Variants in GRID2 observed in about 807,000 individuals in gnomAD.
The protein encoded by GRID2 is glutamate ionotropic receptor delta type subunit 2.
Under a neutral mutation model 114.8 loss-of-function variants are expected in GRID2, and 33 were observed. The ratio of observed to expected loss-of-function variants is 0.29; its 90% confidence interval spans 0.22 to 0.38. The LOEUF is 0.38. Among genes scored for constraint, GRID2 ranks in the 10% least tolerant of loss-of-function variants. The pLI is 1.00. For missense variants in GRID2, 1,184 were observed against 1,257.7 expected (o/e 0.94, Z 0.89); for synonymous variants, 505 against 449.9 (o/e 1.12, Z -1.55).
intron 4 of GRID2, among the ~76,000 whole-genome samples, chr4:93,123,176 T>A (rs1033972951): frequency 9.2e-5 from 14 of 152,132 alleles, no homozygotes; most frequent in African/African-American, 3.4e-4. Context: ...GACAGTTTGC[T>A]ACTAACTTCT....
chr4:92,571,006 G>A (rs1284404513), intron 1 of GRID2, among the ~76,000 whole-genome samples: 1 of 152,008 alleles, frequency 6.6e-6, no homozygotes, highest in Non-Finnish European at 1.5e-5. Context: ...TTTGACAGTG[G>A]ACAAGCTTGT....
chr4:92,381,629 A>G (rs1413421791), intron 1 of GRID2, among the ~76,000 whole-genome samples: 1 of 152,078 alleles, frequency 6.6e-6, no homozygotes, highest in East Asian at 1.9e-4. Context: ...ACCACAATGT[A>G]AAAGTTTCTC....
chr4:92,636,221 C>T (rs935409491), intron 2 of GRID2, among the ~76,000 whole-genome samples: 9 of 151,970 alleles, frequency 5.9e-5, no homozygotes, highest in Non-Finnish European at 1.2e-4. Context: ...TGCCATCACA[C>T]AGTGGCAGGA....
rs201950087 is a variant in GRID2, at chr4:92,938,567, C to CT, written c.245-146419dup. ...AGTGGGAGGATTAATGTCAATATTT[C>CT]TTTTTTTTTATTATACTTTAAGTTT... On this transcript the variant is annotated intron_variant, in intron 2 of 15. Coordinates refer to ENST00000282020, the MANE Select transcript of GRID2 (RefSeq NM_001510.4). Among the ~76,000 whole-genome samples, 50 of 143,636 alleles carry CT rather than the reference C, an allele frequency of 3.5e-4. 3 individuals carry two copies. Among genetic ancestry groups the CT allele is most frequent in the Non-Finnish European group, 5.6e-4 (36 of 64,760 alleles). 94.2% of individuals were successfully genotyped at this position (143,636 alleles called of 152,430 possible).
At chr4:93,691,247 G>C (rs1182528848) in intron 14 of GRID2, among the ~76,000 whole-genome samples, 1 of 151,788 alleles carries the variant, frequency 6.6e-6, no homozygotes, top group Non-Finnish European at 1.5e-5. Flanking sequence ...AGATTGATTA[G>C]AACAAATTTT....
At position 92,826,889 on chromosome 4, in the gene GRID2, T is replaced by C. The variant is rs1186985087; in HGVS notation, c.244+236603T>C. Among the ~76,000 whole-genome samples the C allele has an allele frequency of 3.9e-5, 6 of 152,100 alleles. No individual in the cohort carries two copies. In the South Asian group the frequency reaches 1.2e-3, roughly 31 times the overall value. On this transcript the variant is annotated intron_variant, in intron 2 of 15. Coordinates refer to ENST00000282020, the MANE Select transcript of GRID2 (RefSeq NM_001510.4). ...GATTGATCTAATGTTATTTCCTTTA[T>C]ATCCAAGTGTTCTCATGGTGTGGCC...
chr4:92,697,516 A>G (rs1170857682), intron 2 of GRID2, among the ~76,000 whole-genome samples: 2 of 152,182 alleles, frequency 1.3e-5, no homozygotes, highest in Non-Finnish European at 2.9e-5. Flanking sequence ...GGGAAAATTA[A>G]GAAGAGATAA....
At chr4:93,452,912 A>G (rs1211910769) in intron 10 of GRID2, among the ~76,000 whole-genome samples, 1 of 150,692 alleles carries the variant, frequency 6.6e-6, no homozygotes, top group Admixed American at 6.6e-5. Flanking sequence ...ATTATACTTT[A>G]AGTTTTAGGG....
At chr4:93,654,622 G>A (rs1379576421) in intron 14 of GRID2, among the ~76,000 whole-genome samples, 1 of 152,010 alleles carries the variant, frequency 6.6e-6, no homozygotes, top group East Asian at 1.9e-4. Context: ...TAAAACAATA[G>A]ATACAAGAGA....
At chr4:92,353,377 C>T (rs1170436257) in intron 1 of GRID2, among the ~76,000 whole-genome samples, 2 of 151,812 alleles carry the variant, frequency 1.3e-5, no homozygotes, top group Non-Finnish European at 2.9e-5. Context: ...TGAATGGCTG[C>T]ACTTTCCTGT....
intron 1 of GRID2, among the ~76,000 whole-genome samples, chr4:92,504,349 C>T (rs766034780): frequency 2.6e-5 from 4 of 151,950 alleles, no homozygotes; most frequent in Non-Finnish European, 5.9e-5. Flanking sequence ...GGGAATATTA[C>T]ATGTCAGGAC....
chr4:92,523,943 T>C lies in GRID2; in HGVS notation c.89-66188T>C, dbSNP rs566541998. Among the ~76,000 whole-genome samples the C allele has an allele frequency of 3.9e-5, 6 of 152,082 alleles. No homozygotes were observed. In the South Asian group the frequency reaches 1.2e-3, roughly 32 times the overall value. On this transcript the variant is annotated intron_variant, in intron 1 of 15. Coordinates refer to ENST00000282020, the MANE Select transcript of GRID2 (RefSeq NM_001510.4). ...CCCTCATTACTGGGAGGAAGGAATA[T>C]AGGAAACAGGACAATTGGAGCAAAG...
At chr4:93,378,690 C>G (rs1025016427) in intron 8 of GRID2, among the ~76,000 whole-genome samples, 3 of 152,064 alleles carry the variant, frequency 2.0e-5, no homozygotes, top group African/African-American at 7.2e-5. Context: ...TTTTTGATCT[C>G]TTAAGATTCC....
rs1330376872 is a variant in GRID2, at chr4:92,590,154, A to G, written c.112A>G (p.Lys38Glu). Reference protein sequence around the residue: ...HIGAIFDESAKKDDEVFRTAV... With the variant: ...HIGAIFDESAEKDDEVFRTAV... Reference sequence around the variant, plus strand: ...AGGAGCAATTTTTGATGAATCTGCCAAAAAGGATGATGAGGTATTTCGCAC... The same window carrying G: ...AGGAGCAATTTTTGATGAATCTGCCGAAAAGGATGATGAGGTATTTCGCAC... Residue 38 changes from lysine to glutamate, a missense_variant, in exon 2 of 16, where the codon AAA (lysine) becomes GAA (glutamate). Coordinates refer to ENST00000282020, the MANE Select transcript of GRID2 (RefSeq NM_001510.4). 4 of 1,611,082 alleles carry G rather than the reference A, an allele frequency of 2.5e-6. No homozygotes were observed. The highest frequency in any genetic ancestry group is 3.4e-6 in the Non-Finnish European group (4 of 1,177,798).
chr4:92,498,824 GCATA>G (rs1456388978), intron 1 of GRID2, among the ~76,000 whole-genome samples: 3 of 150,674 alleles, frequency 2.0e-5, no homozygotes, highest in Non-Finnish European at 4.4e-5. Flanking sequence ...TATTTACCAT[GCATA>G]CATAATCATT....
intron 2 of GRID2, among the ~76,000 whole-genome samples, chr4:92,940,498 T>A (rs561329077): frequency 2.0e-5 from 3 of 152,248 alleles, no homozygotes; most frequent in African/African-American, 7.2e-5. Context: ...AGATATACAA[T>A]CCTGTCATCT....
At chr4:92,996,259 C>T (rs1755189235) in intron 2 of GRID2, among the ~76,000 whole-genome samples, 1 of 151,072 alleles carries the variant, frequency 6.6e-6, no homozygotes, top group Admixed American at 6.6e-5. Flanking sequence ...CACTGCACTA[C>T]AGCCTCGTTG....
At chr4:93,334,795 G>A (rs1242928467) in intron 8 of GRID2, among the ~76,000 whole-genome samples, 1 of 152,124 alleles carries the variant, frequency 6.6e-6, no homozygotes, top group African/African-American at 2.4e-5. Flanking sequence ...GCCGGGCGTG[G>A]TGGTGCATGC....
chr4:92,530,170 A>G (rs13140156), intron 1 of GRID2, among the ~76,000 whole-genome samples: 39,019 of 151,894 alleles, frequency 0.26, 5,711 homozygotes, highest in Middle Eastern at 0.36. Context: ...GAAGGATGAT[A>G]GAATTAGAAA....
Sources: gnomAD v4.1 joint callset for allele counts (sites outside exome capture counted in the v4.1 genomes callset) on GRCh38, gnomAD v4.1.1 for gene constraint, MANE v1.5 for transcripts, NCBI Gene and HGNC (gene_info 2026-07-23, HGNC 2026-07-21) for gene names.